MYH10: variants seen among roughly 807,000 people sequenced by gnomAD.
MYH10 encodes myosin heavy chain 10, also known as myosin-10.
A neutral mutation model predicts 257.8 loss-of-function variants in MYH10; 55 were observed. The observed-to-expected ratio is 0.21, with a 90% CI of 0.17 to 0.27. The LOEUF is 0.27. Ranked by LOEUF, MYH10 falls within the 10% of genes least tolerant of loss-of-function variation. The pLI, the probability that MYH10 is intolerant of heterozygous loss-of-function variation, is 1.00. For missense variants in MYH10, 1,631 were observed against 2,500.6 expected (o/e 0.65, Z 7.42); for synonymous variants, 854 against 921.7 (o/e 0.93, Z 1.33).
At chr17:8,628,723 A>G (rs796727647) in intron 1 of MYH10, among the ~76,000 whole-genome samples, 8 of 152,342 alleles carry the variant, frequency 5.3e-5, no homozygotes, top group African/African-American at 1.4e-4. Flanking sequence ...ACTGTGTTTA[A>G]TATTTCCAAA....
Position 8,630,706 on chromosome 17 carries a change from C to T in MYH10, c.-84G>A, listed in dbSNP as rs1437626094. The stretch of plus-strand genomic sequence containing the variant: ...CACGTCCCCAGCCGCGACCACAGAT[C>T]CAGCGCCTCAGTCCCAAACCCACCG... On this transcript the variant is annotated 5_prime_UTR_variant, in exon 1 of 43. Transcript: ENST00000360416. 6.5e-6 allele frequency: 1 copy of T among 152,972 alleles called. No homozygotes were observed. The highest frequency in any genetic ancestry group is 1.5e-5 in the Non-Finnish European group (1 of 68,910). 9.5% of individuals were successfully genotyped at this position (152,972 alleles called of 1,614,324 possible).
At chr17:8,541,735 A>G in intron 14 of MYH10, among the ~76,000 whole-genome samples, 1 of 152,174 alleles carries the variant, frequency 6.6e-6, no homozygotes, top group East Asian at 1.9e-4. Context: ...TGCAAAATGG[A>G]TTTACGTGAC....
chr17:8,517,448 C>T (rs889506724), intron 21 of MYH10, among the ~76,000 whole-genome samples: 3 of 152,128 alleles, frequency 2.0e-5, no homozygotes, highest in African/African-American at 7.3e-5. Context: ...TCAAAACTGT[C>T]TGGATGGCAA....
At chr17:8,592,969 AT>A (rs2084227989) in intron 3 of MYH10, among the ~76,000 whole-genome samples, 3 of 129,380 alleles carry the variant, frequency 2.3e-5, no homozygotes, top group Non-Finnish European at 3.3e-5. Context: ...ATATATATAT[AT>A]AAAAGATGAT....
chr17:8,488,291 A>C (rs1453662884), intron 35 of MYH10, among the ~76,000 whole-genome samples: 1 of 152,176 alleles, frequency 6.6e-6, no homozygotes, highest in Non-Finnish European at 1.5e-5. Context: ...AGGGATGCTC[A>C]GAAGAAGGTG....
intron 11 of MYH10, 24 bp from the exon 12 acceptor site, chr17:8,546,686 A>G: frequency 6.4e-7 from 1 of 1,574,078 alleles, no homozygotes; most frequent in East Asian, 2.2e-5. Flanking sequence ...AGTCTCCTAA[A>G]TCCTACATTT....
At chr17:8,530,464 T>G (rs1431745253) in intron 17 of MYH10, among the ~76,000 whole-genome samples, 159 bp downstream of exon 17, 1 of 152,190 alleles carries the variant, frequency 6.6e-6, no homozygotes, top group African/African-American at 2.4e-5. Flanking sequence ...GAAAGGTTCA[T>G]GCAGGCCTAT....
At position 8,486,570 on chromosome 17, in the gene MYH10, A is replaced by G; in HGVS notation, c.5046+863T>C. Among the ~76,000 whole-genome samples the G allele has an allele frequency of 1.5e-5, 2 of 132,522 alleles. 1 individual carries two copies. The highest frequency in any genetic ancestry group is 3.2e-5 in the Non-Finnish European group (2 of 61,760). The allele number at this position is 132,522 out of a possible 152,430, so 86.9% of individuals were successfully genotyped here. ...AAAAAAAAAAAAAAAAAAAAAAAAA[A>G]AAAAAAAAAATGGAAACAAGTTCCT... On this transcript the variant is annotated intron_variant, in intron 36 of 42. Coordinates refer to ENST00000360416, the MANE Select transcript of MYH10 (RefSeq NM_001256012.3).
chr17:8,609,121 T>A (rs951027189), intron 2 of MYH10, among the ~76,000 whole-genome samples: 3 of 152,192 alleles, frequency 2.0e-5, no homozygotes, highest in Non-Finnish European at 2.9e-5. Flanking sequence ...GATTGGGAAA[T>A]TTTTCAGCCT....
intron 7 of MYH10, among the ~76,000 whole-genome samples, chr17:8,557,522 T>C (rs1330469376): frequency 2.0e-5 from 3 of 152,196 alleles, no homozygotes; most frequent in Admixed American, 2.0e-4. Flanking sequence ...CACCAAAATG[T>C]ACCTATTCTA....
At chr17:8,611,811 G>GA (rs1193789268) in intron 2 of MYH10, among the ~76,000 whole-genome samples, 1 of 152,118 alleles carries the variant, frequency 6.6e-6, no homozygotes, top group Non-Finnish European at 1.5e-5. Context: ...CCAAGAAGGA[G>GA]AAAAAAGAGA....
rs6416895 is a variant in MYH10, at chr17:8,506,018, T to G, written c.3386+300A>C. ...AATAAAACATACTACAGTTAATCTGTAATGTACAGAGACCAAAACATTTGT... is the reference window on the plus strand; with the variant it reads ...AATAAAACATACTACAGTTAATCTGGAATGTACAGAGACCAAAACATTTGT... On this transcript the variant is annotated intron_variant, in intron 27 of 42. Coordinates refer to ENST00000360416, the MANE Select transcript of MYH10 (RefSeq NM_001256012.3). The surrounding 1 kb of genome is among the most constrained non-coding windows in gnomAD (Gnocchi z 5.0). 0.41 allele frequency: 113,750 copies of G among 278,218 alleles called. 23,677 individuals carry two copies. The highest frequency in any genetic ancestry group is 0.44 in the East Asian group (6,091 of 13,794). The allele number at this position is 278,218 out of a possible 1,614,324, so 17.2% of individuals were successfully genotyped here. A position where few individuals can be genotyped will look rare whatever the true frequency, so the allele number is the denominator to read the frequency against.
At chr17:8,563,334 G>A (rs1343366995) in intron 7 of MYH10, among the ~76,000 whole-genome samples, 1 of 152,122 alleles carries the variant, frequency 6.6e-6, no homozygotes, top group African/African-American at 2.4e-5. Flanking sequence ...GAAATCACTA[G>A]GGTAACATGA....
intron 3 of MYH10, 68 bp from the exon 4 acceptor site, chr17:8,589,176 A>G (rs2084027055): frequency 6.5e-7 from 1 of 1,536,026 alleles, no homozygotes; most frequent in South Asian, 1.2e-5. Flanking sequence ...AATATTTGAT[A>G]TAATAAAGTT....
intron 4 of MYH10, among the ~76,000 whole-genome samples, chr17:8,587,245 C>A (rs936131274): frequency 2.0e-5 from 3 of 152,140 alleles, no homozygotes; most frequent in Admixed American, 6.5e-5. Flanking sequence ...CAGAACTGCC[C>A]AGCTGAGCCC....
intron 3 of MYH10, among the ~76,000 whole-genome samples, chr17:8,599,631 T>G (rs425583): frequency 0.97 from 147,799 of 152,264 alleles, 71,900 homozygotes; most frequent in Middle Eastern, 1. Flanking sequence ...TGCAACACTG[T>G]TTTGAAAAAT....
intron 16 of MYH10, among the ~76,000 whole-genome samples, chr17:8,531,553 T>C (rs1274814211): frequency 9.2e-6 from 1 of 108,700 alleles, no homozygotes; most frequent in Non-Finnish European, 2.2e-5. Context: ...TTTTTTTCTT[T>C]TTCTTTTTTT....
intron 25 of MYH10, among the ~76,000 whole-genome samples, chr17:8,509,190 A>G (rs1052517818): frequency 3.3e-5 from 5 of 152,182 alleles, no homozygotes; most frequent in African/African-American, 1.2e-4. Flanking sequence ...ATATGTTTAG[A>G]TACACAAGTA....
chr17:8,623,505 C>CA (rs919999970), intron 1 of MYH10: 55 of 239,894 alleles, frequency 2.3e-4, no homozygotes, highest in Admixed American at 1.2e-3. Context: ...TTACTGAGGG[C>CA]AAAAAAAAGA....
Sources: gnomAD v4.1 joint callset for allele counts (sites outside exome capture counted in the v4.1 genomes callset) on GRCh38, gnomAD v4.1.1 for gene constraint, Gnocchi (gnomAD v3.1) non-coding constraint, MANE v1.5 for transcripts, NCBI Gene and HGNC (gene_info 2026-07-23, HGNC 2026-07-21) for gene names.